Variants in AATF observed in about 807,000 individuals in gnomAD.
AATF encodes apoptosis antagonizing transcription factor, also known as protein AATF.
A neutral mutation model predicts 63.7 loss-of-function variants in AATF; 48 were observed. The observed-to-expected ratio is 0.75, with a 90% CI of 0.60 to 0.96. The LOEUF (loss-of-function observed/expected upper bound fraction) is 0.96, where lower values mean the gene tolerates loss of function less well. Among genes scored for constraint, AATF ranks in the 40% least tolerant of loss-of-function variants. The pLI is 0.00. For missense variants in AATF, 639 were observed against 685.7 expected (o/e 0.93, Z 0.76); for synonymous variants, 258 against 247.7 (o/e 1.04, Z -0.39).
chr17:36,967,572 T>A (rs972693108), intron 4 of AATF, among the ~76,000 whole-genome samples: 2 of 152,228 alleles, frequency 1.3e-5, no homozygotes, highest in African/African-American at 4.8e-5. Flanking sequence ...CATGCTGGGA[T>A]GTGCCTTCAC....
intron 8 of AATF, among the ~76,000 whole-genome samples, chr17:37,016,742 C>G (rs1250516295): frequency 6.6e-6 from 1 of 150,972 alleles, no homozygotes; most frequent in Non-Finnish European, 1.5e-5. Context: ...GTTTTGAAAG[C>G]AATTTTCTAA....
At chr17:37,008,174 T>G (rs2071356408) in intron 8 of AATF, among the ~76,000 whole-genome samples, 1 of 152,236 alleles carries the variant, frequency 6.6e-6, no homozygotes, top group Non-Finnish European at 1.5e-5. Context: ...TAAATGGGGT[T>G]TAGGGACTAT....
chr17:37,012,237 C>G (rs1006252867), intron 8 of AATF, among the ~76,000 whole-genome samples: 2 of 151,938 alleles, frequency 1.3e-5, no homozygotes, highest in African/African-American at 2.4e-5. Context: ...TGTATTTTTA[C>G]TAGAGACGGG....
intron 11 of AATF, among the ~76,000 whole-genome samples, chr17:37,040,756 A>C (rs1253735725): frequency 2.2e-5 from 2 of 92,690 alleles, no homozygotes; most frequent in Non-Finnish European, 4.2e-5. Flanking sequence ...TTCCCCCCCC[A>C]CGCTTTCTTT....
At chr17:37,049,748 G>A (rs529748798) in intron 11 of AATF, among the ~76,000 whole-genome samples, 1 of 152,272 alleles carries the variant, frequency 6.6e-6, no homozygotes, top group African/African-American at 2.4e-5. Context: ...TATTGGAGAA[G>A]GATCCCTTTG....
intron 11 of AATF, among the ~76,000 whole-genome samples, chr17:37,047,004 C>T (rs189684061): frequency 4.1e-4 from 62 of 152,252 alleles, no homozygotes; most frequent in African/African-American, 1.3e-3. Flanking sequence ...AACTCTATTG[C>T]GGGGACCGTG....
chr17:37,006,974 C>T (rs2071346135), intron 8 of AATF, among the ~76,000 whole-genome samples: 1 of 152,192 alleles, frequency 6.6e-6, no homozygotes, highest in Non-Finnish European at 1.5e-5. Context: ...TCAGTGGTAG[C>T]CTCTAGCTAT....
At chr17:37,001,342 A>AG (rs2071292920) in intron 8 of AATF, among the ~76,000 whole-genome samples, 1 of 142,294 alleles carries the variant, frequency 7.0e-6, no homozygotes, top group Admixed American at 7.1e-5. Flanking sequence ...GAAAGGAGAG[A>AG]GGGAGGGAGG....
chr17:37,046,730 AACACACACACACACAC>A (rs58296683), intron 11 of AATF, among the ~76,000 whole-genome samples: 5 of 140,056 alleles, frequency 3.6e-5, no homozygotes, highest in South Asian at 2.4e-4. Context: ...GTGCTCCCCC[AACACACACACACACAC>A]ACACACACAC....
chr17:37,039,657 A>G (rs935458886), intron 11 of AATF, among the ~76,000 whole-genome samples: 1 of 152,240 alleles, frequency 6.6e-6, no homozygotes, highest in African/African-American at 2.4e-5. Context: ...GATGGCGTCC[A>G]GCACAGAGAT....
chr17:36,990,742 A>C, intron 7 of AATF, 32 bp from the exon 8 acceptor site: 64 of 1,329,474 alleles, frequency 4.8e-5, no homozygotes, highest in Middle Eastern at 1.8e-4. Context: ...CCTTGTTGGG[A>C]TTCACTCTTT....
At chr17:37,026,246 A>T (rs930222151) in intron 10 of AATF, among the ~76,000 whole-genome samples, 1 of 152,236 alleles carries the variant, frequency 6.6e-6, no homozygotes, top group Non-Finnish European at 1.5e-5. Context: ...GCAAGGTGTA[A>T]TGTGGGGTCT....
intron 8 of AATF, among the ~76,000 whole-genome samples, chr17:37,010,075 C>T (rs565434500): frequency 2.0e-5 from 3 of 152,250 alleles, no homozygotes; most frequent in South Asian, 4.1e-4. Flanking sequence ...ATATTGACTC[C>T]TTTTGTGTAA....
intron 8 of AATF, among the ~76,000 whole-genome samples, chr17:36,997,719 A>G (rs1465827321): frequency 6.6e-6 from 1 of 152,254 alleles, no homozygotes; most frequent in African/African-American, 2.4e-5. Context: ...CAATCTCACT[A>G]CTGGGTATCT....
At chr17:36,995,534 A>G (rs1467729906) in intron 8 of AATF, among the ~76,000 whole-genome samples, 1 of 151,860 alleles carries the variant, frequency 6.6e-6, no homozygotes, top group African/African-American at 2.4e-5. Context: ...GATATTTTTT[A>G]TATATTTGTT....
intron 4 of AATF, among the ~76,000 whole-genome samples, chr17:36,983,601 T>C (rs1214480173): frequency 6.6e-6 from 1 of 151,566 alleles, no homozygotes; most frequent in African/African-American, 2.4e-5. Context: ...TTTGCCGACC[T>C]CGTCCTCCCA....
At chr17:37,019,209 A>C (rs2071450972) in intron 9 of AATF, 137 bp downstream of exon 9, 1 of 696,482 alleles carries the variant, frequency 1.4e-6, no homozygotes, top group Admixed American at 2.7e-5. Context: ...CTAGAAAGAA[A>C]ATGTGACTAA....
At chr17:37,047,483 C>T (rs1194490983) in intron 11 of AATF, among the ~76,000 whole-genome samples, 1 of 152,136 alleles carries the variant, frequency 6.6e-6, no homozygotes, top group African/African-American at 2.4e-5. Context: ...GTCCCCTTCT[C>T]GCCCCCATCC....
intron 8 of AATF, among the ~76,000 whole-genome samples, chr17:37,004,228 G>A (rs2071324293): frequency 6.6e-6 from 1 of 152,174 alleles, no homozygotes; most frequent in African/African-American, 2.4e-5. Flanking sequence ...CTACTTGGGA[G>A]GCCGAGGCAG....
Sources: allele counts gnomAD v4.1 joint callset (sites outside exome capture counted in the v4.1 genomes callset), GRCh38; gene constraint gnomAD v4.1.1; transcripts MANE v1.5; gene names NCBI Gene and HGNC (gene_info 2026-07-23, HGNC 2026-07-21).